The following ZMIZ1 variants were observed in gnomAD, a reference collection of about 807,000 sequenced individuals.
ZMIZ1 encodes the protein zinc finger MIZ domain-containing protein 1.
In ZMIZ1, 17 loss-of-function variants were observed where a neutral mutation model predicts 113.9. The ratio of observed to expected loss-of-function variants is 0.15; its 90% CI spans 0.10 to 0.22. ZMIZ1 has a LOEUF of 0.22. Among genes scored for constraint, ZMIZ1 ranks in the 10% least tolerant of loss-of-function variants. ZMIZ1 has a pLI of 1.00. For synonymous variants in ZMIZ1, 607 were observed against 603.1 expected (o/e 1.01, Z -0.09); for missense variants, 1,059 against 1,477.8 (o/e 0.72, Z 4.65).
intron 1 of ZMIZ1, among the ~76,000 whole-genome samples, chr10:79,085,381 A>G (rs901384467): frequency 1.3e-5 from 2 of 152,146 alleles, no homozygotes; most frequent in African/African-American, 4.8e-5. Context: ...CCAGGCCCGC[A>G]GTTGAGTTCC....
At chr10:79,171,783 G>A (rs936463132) in intron 4 of ZMIZ1, among the ~76,000 whole-genome samples, 13 of 152,164 alleles carry the variant, frequency 8.5e-5, no homozygotes, top group African/African-American at 3.1e-4. Context: ...AGAATTTCAG[G>A]TGGGGCTAGG....
chr10:79,187,250 C>T (rs562584078), intron 4 of ZMIZ1, among the ~76,000 whole-genome samples: 1 of 152,362 alleles, frequency 6.6e-6, no homozygotes, highest in East Asian at 1.9e-4. Context: ...TGTAGTCACA[C>T]CACAATATGG....
chr10:79,115,548 T>A (rs536632520), intron 1 of ZMIZ1, among the ~76,000 whole-genome samples: 1 of 152,310 alleles, frequency 6.6e-6, no homozygotes, highest in Non-Finnish European at 1.5e-5. Context: ...ATGGTGGGCC[T>A]CAGCACTGCC....
Position 79,104,950 on chromosome 10 carries a change from GGTGTGTGTGTGT to G in ZMIZ1, c.-336-13932_-336-13921del, listed in dbSNP as rs58453718. On this transcript the variant is annotated intron_variant, in intron 1 of 24. Transcript: ENST00000334512. ...TGTTGTTGTTGGGTTGTTGTTGTGG[GGTGTGTGTGTGT>G]GTGTGTGTGTGTGTGTGTGTGTGTG... 3.4e-3 allele frequency among the ~76,000 whole-genome samples: 479 copies of G among 140,184 alleles called. 1 individual carries two copies. Among genetic ancestry groups the G allele is most frequent in the Non-Finnish European group, 5.3e-3 (340 of 64,642 alleles). 92.0% of individuals were successfully genotyped at this position (140,184 alleles called of 152,430 possible).
intron 7 of ZMIZ1, among the ~76,000 whole-genome samples, chr10:79,223,633 G>A (rs1024224712): frequency 1.3e-5 from 2 of 152,232 alleles, no homozygotes; most frequent in African/African-American, 4.8e-5. Flanking sequence ...GGCAACTGGC[G>A]CTCTTATCAG....
intron 1 of ZMIZ1, among the ~76,000 whole-genome samples, chr10:79,106,577 A>G (rs926585465): frequency 5.3e-5 from 8 of 152,238 alleles, no homozygotes; most frequent in African/African-American, 1.2e-4. Flanking sequence ...AGAAGCTCCT[A>G]TAAGAACTTA....
At chr10:79,078,635 C>T (rs529549879) in intron 1 of ZMIZ1, among the ~76,000 whole-genome samples, 3 of 147,768 alleles carry the variant, frequency 2.0e-5, no homozygotes, top group East Asian at 4.0e-4. Flanking sequence ...ACCTCTGCCT[C>T]CTGGGCTCAG....
chr10:79,135,532 A>G lies in ZMIZ1; in HGVS notation c.-226-4150A>G, dbSNP rs1316886480. ...ATGCGGTGCACCTGTTTCCCCTGGC[A>G]TTGATAGGTGAGACACTGACTGGCC... On this transcript the variant is annotated intron_variant, in intron 2 of 24. Transcript: ENST00000334512. Among the ~76,000 whole-genome samples, 6 of 152,224 alleles carry G rather than the reference A, an allele frequency of 3.9e-5. No individual in the cohort carries two copies. In the East Asian group the frequency reaches 1.2e-3, roughly 29 times the overall value.
At chr10:79,124,807 G>T (rs1274216068) in intron 2 of ZMIZ1, among the ~76,000 whole-genome samples, 1 of 152,222 alleles carries the variant, frequency 6.6e-6, no homozygotes, top group Non-Finnish European at 1.5e-5. Flanking sequence ...GGGCAGTCCG[G>T]CTGGGGAGGA....
rs528615937 is a variant in ZMIZ1 at position 79,304,545 on chromosome 10, C to T, written c.2286+370C>T. On this transcript the variant is annotated intron_variant, in intron 19 of 24. Coordinates refer to ENST00000334512, the MANE Select transcript of ZMIZ1 (RefSeq NM_020338.4). Reference sequence around the variant, plus strand: ...GTCAGTGTTCAGGAAGTAGCCCTGGCGTGAGTGACAGCCCCAGTCTGAGCA... The same window carrying T: ...GTCAGTGTTCAGGAAGTAGCCCTGGTGTGAGTGACAGCCCCAGTCTGAGCA... Among the ~76,000 whole-genome samples the T allele has an allele frequency of 1.3e-3, 203 of 152,312 alleles. 1 individual carries two copies. Among genetic ancestry groups the T allele is most frequent in the Non-Finnish European group, 2.5e-3 (169 of 68,022 alleles).
At chr10:79,137,948 A>G (rs1020770178) in intron 2 of ZMIZ1, among the ~76,000 whole-genome samples, 2 of 152,106 alleles carry the variant, frequency 1.3e-5, no homozygotes, top group Admixed American at 6.5e-5. Context: ...CCTGGGCCCA[A>G]CTGACTGTGG....
At chr10:79,256,853 T>C (rs1188069199) in intron 7 of ZMIZ1, among the ~76,000 whole-genome samples, 1 of 152,230 alleles carries the variant, frequency 6.6e-6, no homozygotes, top group Non-Finnish European at 1.5e-5. Context: ...CAGAAAGGTT[T>C]GTGCATGCTT....
At chr10:79,099,227 C>G (rs980839614) in intron 1 of ZMIZ1, among the ~76,000 whole-genome samples, 4 of 152,114 alleles carry the variant, frequency 2.6e-5, no homozygotes, top group African/African-American at 9.7e-5. Flanking sequence ...GGTGCACCTG[C>G]TGGGGACCCA....
chr10:79,090,346 G>GC (rs1842948257), intron 1 of ZMIZ1, among the ~76,000 whole-genome samples: 1 of 152,186 alleles, frequency 6.6e-6, no homozygotes, highest in African/African-American at 2.4e-5. Context: ...GGACCTGGAG[G>GC]CCCCCTGTGG....
intron 7 of ZMIZ1, among the ~76,000 whole-genome samples, chr10:79,261,709 A>T (rs1468836267): frequency 6.6e-6 from 1 of 152,246 alleles, no homozygotes; most frequent in Non-Finnish European, 1.5e-5. Context: ...ATGCCCTCTC[A>T]GAGTAGAAGC....
Position 79,305,608 on chromosome 10 carries a change from G to C in ZMIZ1, c.2423+7G>C. On this transcript the variant is annotated splice_region_variant and intron_variant, in intron 21 of 24. Coordinates refer to ENST00000334512, the MANE Select transcript of ZMIZ1 (RefSeq NM_020338.4). ...TCCTGAATGCCATCCAACAGTAAGT[G>C]GGGCCCTAGCGAGGGGCAGGGGGTG... The C allele has an allele frequency of 6.2e-7, 1 of 1,613,846 alleles. No homozygotes were observed.
At chr10:79,096,151 G>T (rs933244241) in intron 1 of ZMIZ1, among the ~76,000 whole-genome samples, 2 of 152,206 alleles carry the variant, frequency 1.3e-5, no homozygotes, top group African/African-American at 2.4e-5. Flanking sequence ...AATGTAGAGG[G>T]TGGGTCTGGA....
At chr10:79,140,654 G>A (rs184170518) in intron 3 of ZMIZ1, among the ~76,000 whole-genome samples, 14 of 151,740 alleles carry the variant, frequency 9.2e-5, no homozygotes, top group Admixed American at 9.2e-4. Flanking sequence ...CCACCTATCC[G>A]TCCTTCCATC....
chr10:79,202,189 G>GAAAAAAAAAAAAAAAA (rs58021590), intron 5 of ZMIZ1, among the ~76,000 whole-genome samples: 24 of 52,618 alleles, frequency 4.6e-4, no homozygotes, highest in Middle Eastern at 0.014. Context: ...CCCTGTCTCA[G>GAAAAAAAAAAAAAAAA]AAAAAAAAAA....
Sources: gnomAD v4.1 joint callset for allele counts (sites outside exome capture counted in the v4.1 genomes callset) on GRCh38, gnomAD v4.1.1 for gene constraint, MANE v1.5 for transcripts, NCBI Gene and HGNC (gene_info 2026-07-23, HGNC 2026-07-21) for gene names.